Variants in CCSER2 observed in about 807,000 individuals in gnomAD.
CCSER2 encodes coiled-coil serine rich protein 2, also known as serine-rich coiled-coil domain-containing protein 2.
CCSER2 carries 46 observed loss-of-function variants against 92.3 expected under a neutral mutation model. The ratio of observed to expected loss-of-function variants is 0.50; its 90% confidence interval spans 0.39 to 0.64. CCSER2 has a LOEUF of 0.64. Ranked by LOEUF, CCSER2 falls within the 30% of genes least tolerant of loss-of-function variation. CCSER2 has a pLI of 0.00. For synonymous variants in CCSER2, 433 were observed against 431.4 expected, an observed-to-expected ratio of 1.00 and a Z score of -0.04; for missense variants, 1,244 against 1,238.9, an observed-to-expected ratio of 1.00 and a Z score of -0.06.
intron 6 of CCSER2, among the ~76,000 whole-genome samples, chr10:84,449,874 A>G (rs1845168783): frequency 6.6e-6 from 1 of 152,124 alleles, no homozygotes; most frequent in Non-Finnish European, 1.5e-5. Context: ...AACAAAAAAC[A>G]CATTAAATTG....
chr10:84,402,234 G>T (rs1196784196), intron 3 of CCSER2, among the ~76,000 whole-genome samples: 1 of 152,184 alleles, frequency 6.6e-6, no homozygotes, highest in Admixed American at 6.5e-5. Flanking sequence ...ATCCATGCAA[G>T]TGAATACCGT....
intron 3 of CCSER2, among the ~76,000 whole-genome samples, chr10:84,375,547 T>C (rs1589479422): frequency 6.6e-6 from 1 of 151,532 alleles, no homozygotes; most frequent in African/African-American, 2.4e-5. Flanking sequence ...TTTTTTTTTT[T>C]TTTTGGTGAA....
intron 9 of CCSER2, among the ~76,000 whole-genome samples, chr10:84,512,362 T>C (rs1188246780): frequency 8.7e-6 from 1 of 114,790 alleles, no homozygotes; most frequent in Admixed American, 1.0e-4. Flanking sequence ...CCACATTATT[T>C]AAACAGTGTG....
chr10:84,449,304 G>A (rs1845123679), intron 6 of CCSER2, among the ~76,000 whole-genome samples: 3 of 152,182 alleles, frequency 2.0e-5, no homozygotes, highest in Admixed American at 2.0e-4. Flanking sequence ...GAACACGGGA[G>A]GCAGAGGTTG....
At chr10:84,476,436 T>TCTC (rs1491094306) in intron 8 of CCSER2, among the ~76,000 whole-genome samples, 1 of 8,392 alleles carries the variant, frequency 1.2e-4, no homozygotes, top group Non-Finnish European at 2.0e-4. Context: ...ATTCTCTCTC[T>TCTC]TTTTTTTTTT....
chr10:84,411,893 C>G (rs1842669106), intron 3 of CCSER2, among the ~76,000 whole-genome samples: 1 of 152,188 alleles, frequency 6.6e-6, no homozygotes, highest in Non-Finnish European at 1.5e-5. Context: ...TGCTGGTTTT[C>G]AAGGGGAACG....
Position 84,513,937 on chromosome 10 carries a change from A to C in CCSER2, c.2814A>C (p.Glu938Asp). The C allele has an allele frequency of 6.5e-7, 1 of 1,536,668 alleles. No homozygotes were observed. ...LSSLVPPPVS[E>D]SSPSRTPTCK... ...CTTTGGTACCGCCTCCAGTTTCTGA[A>C]TCATCTCCAAGTAGGACTCCCACTT... The change falls in exon 10 of 10, where the codon GAA becomes GAC. Residue 938 changes from glutamate (E) to aspartate (D), a missense_variant. Transcript: ENST00000372088.
chr10:84,500,159 T>C (rs1217764686), intron 9 of CCSER2, among the ~76,000 whole-genome samples: 1 of 152,238 alleles, frequency 6.6e-6, no homozygotes, highest in Non-Finnish European at 1.5e-5. Flanking sequence ...TAGAGCCTTA[T>C]GGAAGCTGTC....
chr10:84,505,549 A>C (rs534114660), intron 9 of CCSER2, among the ~76,000 whole-genome samples: 1 of 152,338 alleles, frequency 6.6e-6, no homozygotes, highest in Non-Finnish European at 1.5e-5. Context: ...GTGACTTTTC[A>C]TAAAAATAAA....
rs1200974311 is a variant in CCSER2 at position 84,328,728 on chromosome 10, C to T, written c.-120C>T. ...GGATGTGACGGGCGGCCCTTCGTCT[C>T]ACCTTCCGTCCTCGGGCCCGCAGGT... On this transcript the variant is annotated 5_prime_UTR_variant, in exon 1 of 10. Coordinates refer to ENST00000372088, the MANE Select transcript of CCSER2 (RefSeq NM_001284240.2). 6.6e-6 allele frequency: 1 copy of T among 151,304 alleles called. No individual in the cohort carries two copies. The highest frequency in any genetic ancestry group is 1.9e-4 in the East Asian group (1 of 5,164). The allele number at this position is 151,304 out of a possible 1,614,324, so 9.4% of individuals were successfully genotyped here.
intron 9 of CCSER2, among the ~76,000 whole-genome samples, chr10:84,492,149 G>A (rs1258764012): frequency 6.6e-6 from 1 of 151,840 alleles, no homozygotes; most frequent in Non-Finnish European, 1.5e-5. Flanking sequence ...CATGGTGGCG[G>A]GCACCTGTAG....
intron 3 of CCSER2, among the ~76,000 whole-genome samples, chr10:84,414,276 T>C (rs867265084): frequency 2.0e-5 from 3 of 152,340 alleles, no homozygotes; most frequent in Middle Eastern, 3.4e-3. Context: ...GCTTTTGTAG[T>C]AGCTGGTAAT....
chr10:84,459,846 A>C (rs1459870396), intron 6 of CCSER2, among the ~76,000 whole-genome samples: 1 of 151,936 alleles, frequency 6.6e-6, no homozygotes. Context: ...GAACTTTATC[A>C]GGTTGAGCAA....
chr10:84,488,936 G>A lies in CCSER2; in HGVS notation c.2325+11272G>A, dbSNP rs546692152. Among the ~76,000 whole-genome samples, 17 of 152,212 alleles carry A rather than the reference G, an allele frequency of 1.1e-4. No homozygotes were observed. The South Asian group carries it at 2.1e-3, about 19-fold the overall frequency. ...TGTGTCCCAGAGATTCTGGTATGTC[G>A]TGTCTTTGTTCTCATTGGTTTCAAA... On this transcript the variant is annotated intron_variant, in intron 9 of 9. Transcript: ENST00000372088.
At chr10:84,404,686 TA>T (rs1357826565) in intron 3 of CCSER2, among the ~76,000 whole-genome samples, 1 of 152,198 alleles carries the variant, frequency 6.6e-6, no homozygotes. Flanking sequence ...AAGATTCCTA[TA>T]ACTAATAAGT....
intron 3 of CCSER2, among the ~76,000 whole-genome samples, chr10:84,384,573 C>G (rs1841086419): frequency 6.6e-6 from 1 of 152,074 alleles, no homozygotes; most frequent in Non-Finnish European, 1.5e-5. Flanking sequence ...ATACAGCATC[C>G]CTTCATGATA....
chr10:84,477,609 A>G lies in CCSER2; in HGVS notation c.2270A>G (p.Glu757Gly). ...TQHICHQKCK[E>G]EKCTYADKYT... ...CATATCTGCCACCAAAAATGTAAAGAGGAAAAATGCACTTATGCTGATAAA... is the reference window on the plus strand; with the variant it reads ...CATATCTGCCACCAAAAATGTAAAGGGGAAAAATGCACTTATGCTGATAAA... The change falls in exon 9 of 10, where the codon GAG (glutamate) becomes GGG (glycine). Residue 757 changes from glutamate (E) to glycine (G), a missense_variant. Transcript: ENST00000372088. 2 of 1,612,684 alleles carry G rather than the reference A, an allele frequency of 1.2e-6. No individual in the cohort carries two copies. The highest frequency in any genetic ancestry group is 1.7e-6 in the Non-Finnish European group (2 of 1,179,028).
At chr10:84,478,242 G>A (rs1847269447) in intron 9 of CCSER2, among the ~76,000 whole-genome samples, 1 of 152,120 alleles carries the variant, frequency 6.6e-6, no homozygotes, top group South Asian at 2.1e-4. Flanking sequence ...CTCAAAACAT[G>A]TTTAGTGCTA....
chr10:84,485,484 T>C (rs2133777434), intron 9 of CCSER2, among the ~76,000 whole-genome samples: 2 of 152,316 alleles, frequency 1.3e-5, no homozygotes, highest in South Asian at 4.1e-4. Flanking sequence ...TGTTGAACTT[T>C]GGAGCTTGGC....
Sources: gnomAD v4.1 joint callset for allele counts (sites outside exome capture counted in the v4.1 genomes callset) on GRCh38, gnomAD v4.1.1 for gene constraint, MANE v1.5 for transcripts, NCBI Gene and HGNC (gene_info 2026-07-23, HGNC 2026-07-21) for gene names.